Variants in PRKG1 observed in about 807,000 individuals in gnomAD.
The protein encoded by PRKG1 is cGMP-dependent protein kinase 1.
PRKG1 carries 35 observed loss-of-function variants against 88.1 expected under a neutral mutation model. The observed-to-expected ratio is 0.40, with a 90% CI of 0.30 to 0.53. The LOEUF is 0.53. Ranked by LOEUF, PRKG1 falls within the 20% of genes least tolerant of loss-of-function variation. The pLI, the probability that PRKG1 is intolerant of heterozygous loss-of-function variation, is 0.59. For missense variants in PRKG1, 540 were observed against 839.8 expected (o/e 0.64, Z 4.41); for synonymous variants, 303 against 292.5 (o/e 1.04, Z -0.37).
At chr10:51,995,959 T>G (rs1844428577) in intron 5 of PRKG1, among the ~76,000 whole-genome samples, 1 of 151,944 alleles carries the variant, frequency 6.6e-6, no homozygotes, top group Admixed American at 6.6e-5. Context: ...CAAAAATATA[T>G]CAGTGGGATT....
chr10:51,014,411 T>A (rs1843031700), intron 1 of PRKG1, among the ~76,000 whole-genome samples: 1 of 151,990 alleles, frequency 6.6e-6, no homozygotes, highest in South Asian at 2.1e-4. Context: ...TTTTTATGAA[T>A]CAGAGTTGTC....
intron 4 of PRKG1, among the ~76,000 whole-genome samples, chr10:51,847,252 A>G (rs892777902): frequency 2.0e-5 from 3 of 152,208 alleles, no homozygotes; most frequent in Non-Finnish European, 4.4e-5. Flanking sequence ...ACCTGCCATT[A>G]TGAACTAAAC....
intron 1 of PRKG1, among the ~76,000 whole-genome samples, chr10:51,122,749 T>G (rs1332342846): frequency 1.3e-5 from 2 of 152,202 alleles, no homozygotes; most frequent in Non-Finnish European, 2.9e-5. Context: ...AACTACGCCA[T>G]GTTGTTCTCC....
At position 52,166,473 on chromosome 10, in the gene PRKG1, G is replaced by A. The variant is rs1428169983; in HGVS notation, c.1076+4510G>A. On this transcript the variant is annotated intron_variant, in intron 9 of 17. Transcript: ENST00000373980. ...TTTTGAGACGGAGTCTCGCTCTGTC[G>A]CCCAGGCTGGAGTGCAGTGGCAGGA... is the stretch of plus-strand genomic sequence containing the variant. Among the ~76,000 whole-genome samples, 13 of 124,688 alleles carry A rather than the reference G, an allele frequency of 1.0e-4. No individual in the cohort carries two copies. The East Asian group carries it at 1.3e-3, about 13-fold the overall frequency. The allele number at this position is 124,688 out of a possible 152,430, so 81.8% of individuals were successfully genotyped here. A position where few individuals can be genotyped will look rare whatever the true frequency, so the allele number is the denominator to read the frequency against.
chr10:51,686,877 A>G (rs537540998), intron 3 of PRKG1, among the ~76,000 whole-genome samples: 25 of 152,284 alleles, frequency 1.6e-4, no homozygotes, highest in Admixed American at 1.5e-3. Flanking sequence ...CTGTGATTAC[A>G]GGTGCCCGCC....
intron 2 of PRKG1, among the ~76,000 whole-genome samples, chr10:51,280,535 A>G (rs1229005748): frequency 1.3e-5 from 2 of 152,186 alleles, no homozygotes; most frequent in African/African-American, 2.4e-5. Flanking sequence ...GTCTTTTCAC[A>G]TAGTCCCATA....
chr10:51,361,178 C>G (rs1315509640), intron 2 of PRKG1, among the ~76,000 whole-genome samples: 1 of 151,900 alleles, frequency 6.6e-6, no homozygotes, highest in Non-Finnish European at 1.5e-5. Context: ...ACTCCCCAAA[C>G]AAGGTTTTAA....
intron 2 of PRKG1, among the ~76,000 whole-genome samples, chr10:51,208,520 G>A (rs1035944468): frequency 1.3e-5 from 2 of 152,266 alleles, no homozygotes; most frequent in Admixed American, 1.3e-4. Flanking sequence ...CTTCCTTTCT[G>A]TAATATTAAG....
intron 2 of PRKG1, among the ~76,000 whole-genome samples, chr10:51,181,224 ATT>A (rs1223588085): frequency 1.3e-5 from 1 of 78,278 alleles, no homozygotes; most frequent in African/African-American, 5.1e-5. Flanking sequence ...ATTATATAGA[ATT>A]TTTTTTTTTT....
chr10:51,744,932 T>C (rs1262793833), intron 3 of PRKG1, among the ~76,000 whole-genome samples: 1 of 152,200 alleles, frequency 6.6e-6, no homozygotes, highest in Non-Finnish European at 1.5e-5. Context: ...TAAGAGATTT[T>C]GAAATTTTAT....
At chr10:52,114,328 C>A (rs1847636501) in intron 7 of PRKG1, among the ~76,000 whole-genome samples, 1 of 152,042 alleles carries the variant, frequency 6.6e-6, no homozygotes, top group African/African-American at 2.4e-5. Flanking sequence ...ATCCTTGAAT[C>A]TCTTTGAGCT....
At chr10:51,413,206 G>T (rs559488752) in intron 2 of PRKG1, among the ~76,000 whole-genome samples, 3 of 151,924 alleles carry the variant, frequency 2.0e-5, no homozygotes, top group Non-Finnish European at 2.9e-5. Context: ...TGTTGCTATT[G>T]TTATTTGTTT....
At chr10:52,166,099 A>T (rs981583845) in intron 9 of PRKG1, among the ~76,000 whole-genome samples, 1 of 152,228 alleles carries the variant, frequency 6.6e-6, no homozygotes, top group African/African-American at 2.4e-5. Context: ...AGGAAATTAT[A>T]ATCACAAAGA....
At chr10:51,807,632 C>T (rs969693716) in intron 4 of PRKG1, among the ~76,000 whole-genome samples, 2 of 152,122 alleles carry the variant, frequency 1.3e-5, no homozygotes, top group Non-Finnish European at 2.9e-5. Flanking sequence ...TGAGGAAAAC[C>T]AGCAAGGCTT....
At chr10:51,055,974 A>G (rs1843621910) in intron 1 of PRKG1, among the ~76,000 whole-genome samples, 2 of 152,112 alleles carry the variant, frequency 1.3e-5, no homozygotes, top group African/African-American at 4.8e-5. Flanking sequence ...CTCTCCTCAA[A>G]AAGTGGTGGG....
intron 5 of PRKG1, among the ~76,000 whole-genome samples, chr10:52,025,084 T>C (rs1462405697): frequency 1.3e-5 from 2 of 152,244 alleles, no homozygotes; most frequent in Non-Finnish European, 2.9e-5. Flanking sequence ...TGACCAGTGA[T>C]GATGAGCATT....
chr10:52,124,973 C>T (rs1438507142), intron 7 of PRKG1, among the ~76,000 whole-genome samples: 2 of 151,898 alleles, frequency 1.3e-5, no homozygotes, highest in Non-Finnish European at 2.9e-5. Flanking sequence ...TATAACAATG[C>T]CTTTTTCTGG....
chr10:51,452,264 T>C (rs1434132669), intron 2 of PRKG1, among the ~76,000 whole-genome samples: 1 of 151,928 alleles, frequency 6.6e-6, no homozygotes, highest in African/African-American at 2.4e-5. Flanking sequence ...ACTGCAGATT[T>C]AGCTAGTCTA....
At chr10:51,534,626 C>T (rs898387809) in intron 3 of PRKG1, among the ~76,000 whole-genome samples, 1 of 144,974 alleles carries the variant, frequency 6.9e-6, no homozygotes, top group Non-Finnish European at 1.5e-5. Flanking sequence ...GAGATCACGC[C>T]ACTGCACTCC....
Sources: gnomAD v4.1 joint callset for allele counts (sites outside exome capture counted in the v4.1 genomes callset) on GRCh38, gnomAD v4.1.1 for gene constraint, MANE v1.5 for transcripts, NCBI Gene and HGNC (gene_info 2026-07-23, HGNC 2026-07-21) for gene names.